The following BRWD1 variants were observed in gnomAD, a reference collection of about 807,000 sequenced individuals.
BRWD1 encodes bromodomain and WD repeat domain containing 1, also known as bromodomain and WD repeat-containing protein 1.
Under a neutral mutation model 251.2 loss-of-function variants are expected in BRWD1, and 82 were observed. The ratio of observed to expected loss-of-function variants is 0.33; its 90% confidence interval spans 0.27 to 0.39. The LOEUF is 0.39. Among genes scored for constraint, BRWD1 ranks in the 10% least tolerant of loss-of-function variants. The probability of loss-of-function intolerance (pLI) is 1.00; values close to 1 mark genes in which losing one functional copy is unlikely to be tolerated. For synonymous variants in BRWD1, 918 were observed against 902.8 expected (o/e 1.02, Z -0.30); for missense variants, 2,233 against 2,711.6 (o/e 0.82, Z 3.92).
chr21:39,188,592 A>G lies in BRWD1; in HGVS notation c.*7667T>C. ...AAAGCTGACTGAAGGGCAGATGAGTACAGGTAAAAACTGCTTCTGTGGACT... is the reference window on the plus strand; with the variant it reads ...AAAGCTGACTGAAGGGCAGATGAGTGCAGGTAAAAACTGCTTCTGTGGACT... On this transcript the variant is annotated 3_prime_UTR_variant, in exon 41 of 41. Transcript: ENST00000342449. 2.0e-6 allele frequency: 2 copies of G among 985,422 alleles called. No homozygotes were observed. The highest frequency in any genetic ancestry group is 2.4e-6 in the Non-Finnish European group (2 of 829,910). The allele number at this position is 985,422 out of a possible 1,614,324, so 61.0% of individuals were successfully genotyped here.
At chr21:39,314,685 T>A (rs1202429640), upstream of BRWD1, 2 of 259,856 alleles carry the variant, frequency 7.7e-6, no homozygotes, top group Non-Finnish European at 1.5e-5. Context: ...GTCCCTGCCT[T>A]CCTGGAATGC....
At chr21:39,296,409 C>T in intron 5 of BRWD1, 46 bp from the exon 6 acceptor site, 1 of 1,497,096 alleles carries the variant, frequency 6.7e-7, no homozygotes, top group Non-Finnish European at 8.9e-7. Flanking sequence ...AAAGTTAACC[C>T]CAAGAAAGAT....
chr21:39,284,683 T>C (rs1412045596), intron 8 of BRWD1, among the ~76,000 whole-genome samples: 1 of 152,260 alleles, frequency 6.6e-6, no homozygotes, highest in Admixed American at 6.5e-5. Context: ...ATTAGTGATG[T>C]TAAGCATATT....
At chr21:39,201,118 C>A (rs1167172100) in intron 38 of BRWD1, among the ~76,000 whole-genome samples, 4 of 152,178 alleles carry the variant, frequency 2.6e-5, no homozygotes, top group Non-Finnish European at 5.9e-5. Context: ...TCTCACCATC[C>A]TTTTACCCAT....
chr21:39,211,634 C>T (rs141608357), intron 34 of BRWD1, among the ~76,000 whole-genome samples: 198 of 152,258 alleles, frequency 1.3e-3, no homozygotes, highest in Non-Finnish European at 2.3e-3. Context: ...ATCTACAGAA[C>T]TATCAGGTAA....
chr21:39,199,563 A>C lies in BRWD1; in HGVS notation c.4853T>G (p.Leu1618Arg). Reference sequence around the variant, plus strand: ...TCGGTTATTTCCAGCTCTGGCTTTTAGAATTTCACCAGTCTCCAATGAATT... The same window carrying C: ...TCGGTTATTTCCAGCTCTGGCTTTTCGAATTTCACCAGTCTCCAATGAATT... ...DNNSLETGEILKARAGNNRKV... is the reference protein window; with the variant it reads ...DNNSLETGEIRKARAGNNRKV... Residue 1618 changes from leucine (L) to arginine (R), a missense_variant, in exon 40 of 41, where the codon CTA becomes CGA. Physicochemically the swap from Leu to Arg is moderately radical, Grantham distance 102 (BLOSUM62 -2). This residue lies in a region of BRWD1 where 928 missense variants were observed against 970.0 expected (regional missense o/e 0.96). Coordinates refer to ENST00000342449, the MANE Select transcript of BRWD1 (RefSeq NM_033656.4). 6.2e-7 allele frequency: 1 copy of C among 1,614,196 alleles called. No homozygotes were observed.
At position 39,313,080 on chromosome 21, in the gene BRWD1, G is replaced by A; in HGVS notation, c.130C>T (p.Gln44Ter). The A allele has an allele frequency of 6.7e-7, 1 of 1,488,826 alleles. No individual in the cohort carries two copies. 92.2% of individuals were successfully genotyped at this position (1,488,826 alleles called of 1,614,324 possible). A position where few individuals can be genotyped will look rare whatever the true frequency, so the allele number is the denominator to read the frequency against. Residue 44 changes from glutamine to a stop codon, truncating the protein, a stop_gained, in exon 3 of 41, where the codon CAG becomes TAG. Transcript: ENST00000342449. LOFTEE classifies it high-confidence loss of function. ...AAQVLVQELE[Q>*]YQLLPKRLDW... is the part of the protein sequence containing the mutation. ...GACGGGCGCGCACAGACCTGGTACT[G>A]CTCCAGCTCCTGCACCAGCACCTGC... is the stretch of plus-strand genomic sequence containing the variant.
intron 19 of BRWD1, among the ~76,000 whole-genome samples, chr21:39,254,442 G>A (rs2034498017): frequency 6.6e-6 from 1 of 152,134 alleles, no homozygotes; most frequent in African/African-American, 2.4e-5. Context: ...GGCTCCTCAT[G>A]GCTAGAAAAG....
intron 21 of BRWD1, among the ~76,000 whole-genome samples, chr21:39,244,064 A>G (rs907818242): frequency 1.3e-5 from 2 of 151,784 alleles, no homozygotes; most frequent in African/African-American, 2.4e-5. Flanking sequence ...CTCTGAGATC[A>G]TGCTGCTAAC....
intron 21 of BRWD1, among the ~76,000 whole-genome samples, chr21:39,239,766 G>C (rs1010678794): frequency 6.6e-6 from 1 of 152,132 alleles, no homozygotes; most frequent in African/African-American, 2.4e-5. Flanking sequence ...TTTAACAAGG[G>C]TGTGGATCAG....
upstream of BRWD1, chr21:39,313,875 G>C (rs2036621330): frequency 3.0e-6 from 1 of 329,438 alleles, no homozygotes; most frequent in South Asian, 2.4e-5. Context: ...ATCCCTGCGC[G>C]CAATGAGGCG....
intron 23 of BRWD1, among the ~76,000 whole-genome samples, chr21:39,233,722 A>C (rs967491194): frequency 1.3e-5 from 2 of 152,198 alleles, no homozygotes; most frequent in East Asian, 1.9e-4. Context: ...GAGAAGTGTT[A>C]ATAATAAAGT....
In BRWD1 at chr21:39,313,465, G is replaced by A. The variant is rs1259621604; in HGVS notation, c.27C>T (p.Arg9=). 6 of 1,351,308 alleles carry A rather than the reference G, an allele frequency of 4.4e-6. No individual in the cohort carries two copies. Among genetic ancestry groups the A allele is most frequent in the Admixed American group, 4.1e-5 (1 of 24,550 alleles). The allele number at this position is 1,351,308 out of a possible 1,614,324, so 83.7% of individuals were successfully genotyped here. A position where few individuals can be genotyped will look rare whatever the true frequency, so the allele number is the denominator to read the frequency against. MAEPSSAR[R]PVPLIESELY... Reference sequence around the variant, plus strand: ...TACCCGACTCGATGAGAGGCACCGGGCGTCGGGCGGACGACGGCTCCGCCA... The same window carrying A: ...TACCCGACTCGATGAGAGGCACCGGACGTCGGGCGGACGACGGCTCCGCCA... The change falls in exon 1 of 41, where the codon CGC becomes CGT. Residue 9 remains arginine, a synonymous_variant. Transcript: ENST00000342449.
Position 39,185,484 on chromosome 21 carries a change from A to G in BRWD1, c.*10775T>C, listed in dbSNP as rs2031180714. ...TCAAAAATCAAACCCCATGCACCTA[A>G]AAGTAATAGCAGTTTATTAGGAATT... On this transcript the variant is annotated 3_prime_UTR_variant, in exon 41 of 41. Transcript: ENST00000342449. The G allele has an allele frequency of 6.6e-6, 1 of 151,716 alleles. No individual in the cohort carries two copies. Among genetic ancestry groups the G allele is most frequent in the Admixed American group, 6.6e-5 (1 of 15,228 alleles). 9.4% of individuals were successfully genotyped at this position (151,716 alleles called of 1,614,324 possible).
At chr21:39,306,583 G>A (rs1330130552) in intron 4 of BRWD1, among the ~76,000 whole-genome samples, 1 of 152,108 alleles carries the variant, frequency 6.6e-6, no homozygotes, top group Non-Finnish European at 1.5e-5. Context: ...TTACATTTTT[G>A]TGGGCCATTT....
intron 6 of BRWD1, 33 bp from the exon 7 acceptor site, chr21:39,295,936 G>T: frequency 6.7e-7 from 1 of 1,502,496 alleles, no homozygotes; most frequent in Non-Finnish European, 8.9e-7. Context: ...ATGGTTAAGG[G>T]AGAGCCAATA....
intron 7 of BRWD1, among the ~76,000 whole-genome samples, chr21:39,295,288 G>A (rs1026346034): frequency 4.4e-5 from 6 of 136,650 alleles, no homozygotes; most frequent in Admixed American, 2.6e-4. Context: ...CCAGGTTCAC[G>A]CCATTCTCCT....
intron 36 of BRWD1, among the ~76,000 whole-genome samples, chr21:39,207,678 G>T (rs537862435): frequency 6.6e-6 from 1 of 152,240 alleles, no homozygotes; most frequent in Admixed American, 6.5e-5. Context: ...ATTGAGCAGG[G>T]TTTCTGAGAG....
intron 4 of BRWD1, among the ~76,000 whole-genome samples, chr21:39,307,742 C>A (rs903142089): frequency 1.1e-4 from 16 of 152,280 alleles, no homozygotes; most frequent in African/African-American, 3.9e-4. Flanking sequence ...AAAACAAAAA[C>A]CTCTTTTACA....
Sources: allele counts gnomAD v4.1 joint callset (sites outside exome capture counted in the v4.1 genomes callset), GRCh38; gene constraint gnomAD v4.1.1; regional missense constraint gnomAD v4.1.1; transcripts MANE v1.5; gene names NCBI Gene and HGNC (gene_info 2026-07-23, HGNC 2026-07-21).